The following DDX23 variants were observed in gnomAD, a reference collection of about 807,000 sequenced individuals.
DDX23 encodes DEAD-box helicase 23.
Under a neutral mutation model 102.7 loss-of-function variants are expected in DDX23, and 33 were observed. That is an observed-to-expected ratio of 0.32 (90% CI 0.24 to 0.43). DDX23 has a LOEUF of 0.43. Ranked by LOEUF, DDX23 falls within the 20% of genes least tolerant of loss-of-function variation. The probability of loss-of-function intolerance (pLI) is 1.00; values close to 1 mark genes in which losing one functional copy is unlikely to be tolerated. For synonymous variants in DDX23, 352 were observed against 376.0 expected (o/e 0.94, Z 0.74); for missense variants, 549 against 1,086.6 (o/e 0.51, Z 6.96).
In DDX23 at chr12:48,844,190, G is replaced by A. The variant is rs941816297; in HGVS notation, c.210-140C>T. On this transcript the variant is annotated intron_variant, in intron 2 of 16. Transcript: ENST00000308025. ...AATGTATCTCTCACGGAAATAACGAGGGAATTCTAAGAAGCTTTTATAGAT... is the reference window on the plus strand; with the variant it reads ...AATGTATCTCTCACGGAAATAACGAAGGAATTCTAAGAAGCTTTTATAGAT... 8 of 804,586 alleles carry A rather than the reference G, an allele frequency of 9.9e-6. No homozygotes were observed. In the African/African-American group the frequency reaches 1.4e-4, roughly 14 times the overall value. The allele number at this position is 804,586 out of a possible 1,614,324, so 49.8% of individuals were successfully genotyped here. A position where few individuals can be genotyped will look rare whatever the true frequency, so the allele number is the denominator to read the frequency against.
chr12:48,843,910 C>T (rs1228269932), intron 3 of DDX23, 30 bp downstream of exon 3: 1 of 1,603,880 alleles, frequency 6.2e-7, no homozygotes, highest in African/African-American at 1.3e-5. Context: ...GGAGCATTCC[C>T]CTAAAGCCCC....
In DDX23 at chr12:48,830,745, G is replaced by T; in HGVS notation, c.2240-53C>A. On this transcript the variant is annotated intron_variant, in intron 16 of 16. Transcript: ENST00000308025. This position sits in a 1 kb window ranked among gnomAD's most constrained non-coding sequence, Gnocchi z 4.9. Reference sequence around the variant, plus strand: ...CATAGCCCAGATGCCCTGGGGAGCCGTGTCTGATGCCTCCACTTCTAGAGG... The same window carrying T: ...CATAGCCCAGATGCCCTGGGGAGCCTTGTCTGATGCCTCCACTTCTAGAGG... 6.6e-7 allele frequency: 1 copy of T among 1,508,626 alleles called. No homozygotes were observed. Among genetic ancestry groups the T allele is most frequent in the Non-Finnish European group, 9.0e-7 (1 of 1,112,890 alleles). The allele number at this position is 1,508,626 out of a possible 1,614,324, so 93.5% of individuals were successfully genotyped here.
chr12:48,837,153 G>A lies in DDX23; in HGVS notation c.867-116C>T, dbSNP rs150728361. The A allele has an allele frequency of 8.2e-3, 12,834 of 1,557,394 alleles. 65 individuals carry two copies. The highest frequency in any genetic ancestry group is 9.9e-3 in the Non-Finnish European group (11,343 of 1,143,926). On this transcript the variant is annotated intron_variant, in intron 8 of 16. Transcript: ENST00000308025. Reference sequence around the variant, plus strand: ...CAGACAGGGTCTTTCTTCCACCAGAGGGCTGGCTGACTACCAGTCTACCAA... The same window carrying A: ...CAGACAGGGTCTTTCTTCCACCAGAAGGCTGGCTGACTACCAGTCTACCAA...
In DDX23 at chr12:48,831,906, T is replaced by C. The variant is rs552005610; in HGVS notation, c.2064+172A>G. 23 of 628,772 alleles carry C rather than the reference T, an allele frequency of 3.7e-5. No homozygotes were observed. The East Asian group carries it at 4.2e-4, about 12-fold the overall frequency. 38.9% of individuals were successfully genotyped at this position (628,772 alleles called of 1,614,324 possible). A position where few individuals can be genotyped will look rare whatever the true frequency, so the allele number is the denominator to read the frequency against. On this transcript the variant is annotated intron_variant, in intron 15 of 16. Coordinates refer to ENST00000308025, the MANE Select transcript of DDX23 (RefSeq NM_004818.3). ...GCAGCAGACAGGGGGTCCCAGCAAT[T>C]GATTCCATTCTCTTTATTCCCTCAA...
rs1938361870 is a variant in DDX23 at position 48,830,168 on chromosome 12, C to G, written c.*301G>C. 2 of 543,952 alleles carry G rather than the reference C, an allele frequency of 3.7e-6. No homozygotes were observed. Among genetic ancestry groups the G allele is most frequent in the South Asian group, 3.1e-5 (2 of 65,172 alleles). 33.7% of individuals were successfully genotyped at this position (543,952 alleles called of 1,614,324 possible). ...TGTTCAGTCTGGGGAGCAATGCCAA[C>G]TGGCTGCCCCCATAGCCTGGCATGA... On this transcript the variant is annotated 3_prime_UTR_variant, in exon 17 of 17. Transcript: ENST00000308025. This position sits in a 1 kb window ranked among gnomAD's most constrained non-coding sequence, Gnocchi z 4.9.
chr12:48,833,654 G>GT (rs1938423182), intron 12 of DDX23, 135 bp from the exon 13 acceptor site: 1 of 1,125,496 alleles, frequency 8.9e-7, no homozygotes, highest in South Asian at 1.6e-5. Flanking sequence ...ATGTTTAGCA[G>GT]TAAAGGCTCC....
rs1400961068 is a variant in DDX23 at position 48,830,319 on chromosome 12, T to G, written c.*150A>C. 5 of 981,356 alleles carry G rather than the reference T, an allele frequency of 5.1e-6. No individual in the cohort carries two copies. Among genetic ancestry groups the G allele is most frequent in the Non-Finnish European group, 6.3e-6 (4 of 632,758 alleles). The allele number at this position is 981,356 out of a possible 1,614,324, so 60.8% of individuals were successfully genotyped here. On this transcript the variant is annotated 3_prime_UTR_variant, in exon 17 of 17. Coordinates refer to ENST00000308025, the MANE Select transcript of DDX23 (RefSeq NM_004818.3). This position sits in a 1 kb window ranked among gnomAD's most constrained non-coding sequence, Gnocchi z 4.9. ...TTTGCAGCCCCACACGCAGGCCTCC[T>G]GACCTGAGGGTCTGGGCTAGGGAGT... is the stretch of plus-strand genomic sequence containing the variant.
rs560532437 is a variant in DDX23, at chr12:48,837,166, A to G, written c.866+115T>C. 3.2e-6 allele frequency: 5 copies of G among 1,539,552 alleles called. No homozygotes were observed. The Admixed American group carries it at 8.9e-5, about 28-fold the overall frequency. On this transcript the variant is annotated intron_variant, in intron 8 of 16. Coordinates refer to ENST00000308025, the MANE Select transcript of DDX23 (RefSeq NM_004818.3). ...TCTTCCACCAGAGGGCTGGCTGACTACCAGTCTACCAATTTTCCATCCCAG... is the reference window on the plus strand; with the variant it reads ...TCTTCCACCAGAGGGCTGGCTGACTGCCAGTCTACCAATTTTCCATCCCAG...
Position 48,840,072 on chromosome 12 carries a change from G to T in DDX23, c.355C>A (p.Arg119=). ...TCCTTCTTAGAGTCTCTGTCCTTCC[G>T]AGATTTAAAGTCTTTTCCTCGACCA... The part of the protein sequence containing the change: ...SPGRGKDFKS[R]KDRDSKKDEE... The change falls in exon 4 of 17, where the codon CGG becomes AGG. Residue 119 remains arginine, a synonymous_variant. Coordinates refer to ENST00000308025, the MANE Select transcript of DDX23 (RefSeq NM_004818.3). The T allele has an allele frequency of 6.2e-7, 1 of 1,614,008 alleles. No individual in the cohort carries two copies.
At chr12:48,841,933 T>C (rs1465342729) in intron 3 of DDX23, among the ~76,000 whole-genome samples, 2 of 151,238 alleles carry the variant, frequency 1.3e-5, no homozygotes, top group Non-Finnish European at 3.0e-5. Flanking sequence ...TCGTCTGAGA[T>C]GTGGGGAGCG....
Position 48,839,907 on chromosome 12 carries a change from G to A in DDX23, c.417C>T (p.Ala139=). The A allele has an allele frequency of 6.2e-7, 1 of 1,614,100 alleles. No individual in the cohort carries two copies. The change falls in exon 5 of 17, where the codon GCC becomes GCT. Residue 139 remains alanine (A), a splice_region_variant and synonymous_variant. Transcript: ENST00000308025. The part of the protein sequence containing the change: ...EDEHGDKKPK[A]QPLSLEELLA... ...GAAGCTCCTCCAGGGATAATGGCTG[G>A]GCCTGAAGATAAAACAGAACTTTAG...
chr12:48,844,324 G>A (rs907630420), intron 2 of DDX23, among the ~76,000 whole-genome samples: 3 of 152,080 alleles, frequency 2.0e-5, no homozygotes, highest in Non-Finnish European at 4.4e-5. Flanking sequence ...TCACGCCCAG[G>A]CTGGAGTGCA....
At chr12:48,838,126 T>G in intron 5 of DDX23, 46 bp from the exon 6 acceptor site, 1 of 1,610,576 alleles carries the variant, frequency 6.2e-7, no homozygotes, top group East Asian at 2.2e-5. Flanking sequence ...GGGAGCAGGG[T>G]ACAATCACAT....
At chr12:48,833,228 A>C (rs754110020) in intron 13 of DDX23, 49 bp downstream of exon 13, 4 of 1,606,046 alleles carry the variant, frequency 2.5e-6, no homozygotes, top group Non-Finnish European at 3.4e-6. Flanking sequence ...CAAGTGATCC[A>C]CCCGCCTTGG....
chr12:48,848,751 A>AT (rs71080156), intron 1 of DDX23, among the ~76,000 whole-genome samples: 82 of 133,756 alleles, frequency 6.1e-4, no homozygotes, highest in Middle Eastern at 7.6e-3. Flanking sequence ...CACCTGACTA[A>AT]TTTTTTTTTT....
At chr12:48,851,646 A>G (rs558529279) in intron 1 of DDX23, among the ~76,000 whole-genome samples, 2 of 152,330 alleles carry the variant, frequency 1.3e-5, no homozygotes, top group East Asian at 1.9e-4. Context: ...GCTTTTAAGT[A>G]TAAGTAGAAT....
chr12:48,837,723 G>C (rs916275719), intron 6 of DDX23, 66 bp from the exon 7 acceptor site: 4 of 1,592,732 alleles, frequency 2.5e-6, no homozygotes, highest in East Asian at 4.5e-5. Flanking sequence ...GGAATGGAGG[G>C]AATCCAGACG....
At chr12:48,835,585 C>T (rs1378148624) in intron 11 of DDX23, among the ~76,000 whole-genome samples, 1 of 152,176 alleles carries the variant, frequency 6.6e-6, no homozygotes, top group Non-Finnish European at 1.5e-5. Flanking sequence ...TGACGGGCAC[C>T]TATAATCCCA....
intron 7 of DDX23, 50 bp from the exon 8 acceptor site, chr12:48,837,443 A>C: frequency 6.2e-7 from 1 of 1,612,858 alleles, no homozygotes; most frequent in Admixed American, 1.7e-5. Context: ...CCCAATTCTC[A>C]CATGCAGAGA....
Sources: gnomAD v4.1 joint callset for allele counts (sites outside exome capture counted in the v4.1 genomes callset) on GRCh38, gnomAD v4.1.1 for gene constraint, Gnocchi (gnomAD v3.1) non-coding constraint, MANE v1.5 for transcripts, NCBI Gene and HGNC (gene_info 2026-07-23, HGNC 2026-07-21) for gene names.